The following ELL variants were observed in gnomAD, a reference collection of about 807,000 sequenced individuals.
ELL encodes RNA polymerase II elongation factor ELL.
In ELL, 18 loss-of-function variants were observed where a neutral mutation model predicts 64.0. That is an observed-to-expected ratio of 0.28 (90% confidence interval 0.19 to 0.42). The LOEUF is 0.42. Among genes scored for constraint, ELL ranks in the 10% least tolerant of loss-of-function variants. ELL has a pLI of 1.00. For synonymous variants in ELL, 399 were observed against 376.2 expected (o/e 1.06, Z -0.70); for missense variants, 797 against 870.4 (o/e 0.92, Z 1.06).
At chr19:18,481,219 A>G (rs1035347370) in intron 1 of ELL, among the ~76,000 whole-genome samples, 1 of 152,172 alleles carries the variant, frequency 6.6e-6, no homozygotes, top group Non-Finnish European at 1.5e-5. Flanking sequence ...AAGTCTTATC[A>G]ATGGAATCAC....
At chr19:18,448,396 CAA>C (rs1027218306) in intron 8 of ELL, 106 of 152,354 alleles carry the variant, frequency 7.0e-4, no homozygotes, top group African/African-American at 2.2e-3. Flanking sequence ...TCACTCCCCA[CAA>C]AGTTTCTAAC....
chr19:18,486,721 T>C lies in ELL; in HGVS notation c.136-13839A>G, dbSNP rs1975426086. On this transcript the variant is annotated intron_variant, in intron 1 of 11. Transcript: ENST00000262809. ...AACCTCTGCAAAGCACCCAAACCCCTGTCCCAGAAGATAGGCAAAGATCAC... is the reference window on the plus strand; with the variant it reads ...AACCTCTGCAAAGCACCCAAACCCCCGTCCCAGAAGATAGGCAAAGATCAC... 3.3e-5 allele frequency among the ~76,000 whole-genome samples: 5 copies of C among 152,132 alleles called. No individual in the cohort carries two copies. The South Asian group carries it at 8.3e-4, about 25-fold the overall frequency.
At chr19:18,498,679 G>A (rs1975715214) in intron 1 of ELL, among the ~76,000 whole-genome samples, 1 of 152,222 alleles carries the variant, frequency 6.6e-6, no homozygotes, top group African/African-American at 2.4e-5. Flanking sequence ...ACAGAAAGCT[G>A]GGTGTGGTGG....
intron 1 of ELL, among the ~76,000 whole-genome samples, chr19:18,515,166 C>T (rs1976103112): frequency 6.6e-6 from 1 of 152,236 alleles, no homozygotes; most frequent in Non-Finnish European, 1.5e-5. Flanking sequence ...AGCTCAGTCC[C>T]TCACACACAC....
At position 18,446,478 on chromosome 19, in the gene ELL, T is replaced by C; in HGVS notation, c.1535A>G (p.Lys512Arg). 1 of 1,611,486 alleles carries C rather than the reference T, an allele frequency of 6.2e-7. No individual in the cohort carries two copies. The change falls in exon 10 of 12, where the codon AAG (lysine) becomes AGG (arginine). Residue 512 changes from lysine (K) to arginine (R), a missense_variant and splice_region_variant. Physicochemically the swap from Lys to Arg is conservative, Grantham distance 26. Coordinates refer to ENST00000262809, the MANE Select transcript of ELL (RefSeq NM_006532.4). ...CTCCGAAGAGGAGATGGCTGCGTACTTCCTGAAACAGGAGAGAGGGGCCAC... is the reference window on the plus strand; with the variant it reads ...CTCCGAAGAGGAGATGGCTGCGTACCTCCTGAAACAGGAGAGAGGGGCCAC... Reference protein sequence around the residue: ...STSETPDYLLKYAAISSSEQR... With the variant: ...STSETPDYLLRYAAISSSEQR...
intron 10 of ELL, 105 bp from the exon 11 acceptor site, chr19:18,445,373 G>A: frequency 2.7e-6 from 3 of 1,097,362 alleles, no homozygotes; most frequent in South Asian, 2.5e-5. Flanking sequence ...GGGAGGGTGG[G>A]GCAGCCTCAA....
At chr19:18,521,772 G>A in intron 1 of ELL, 149 bp downstream of exon 1, 3 of 1,236,410 alleles carry the variant, frequency 2.4e-6, no homozygotes, top group Non-Finnish European at 3.2e-6. Flanking sequence ...GGCCGGACTG[G>A]CGCCCACTCC....
intron 8 of ELL, among the ~76,000 whole-genome samples, chr19:18,447,961 T>A (rs1197179840): frequency 6.6e-6 from 1 of 152,058 alleles, no homozygotes; most frequent in Non-Finnish European, 1.5e-5. Context: ...ATTACAAAAT[T>A]TTTTTGTAGA....
At position 18,444,871 on chromosome 19, in the gene ELL, G is replaced by A. The variant is rs754972704; in HGVS notation, c.1750-3C>T. 3.1e-6 allele frequency: 5 copies of A among 1,610,522 alleles called. No homozygotes were observed. The African/African-American group carries it at 4.0e-5, about 13-fold the overall frequency. ...TCCTGGCTGTAGTTGGTGTTGGTCT[G>A]TGGGACAGCACAGTCATGCTCAGGA... On this transcript the variant is annotated splice_region_variant and splice_polypyrimidine_tract_variant and intron_variant, in intron 11 of 11. Transcript: ENST00000262809.
chr19:18,479,134 G>T (rs181825852), intron 1 of ELL, among the ~76,000 whole-genome samples: 1 of 152,164 alleles, frequency 6.6e-6, no homozygotes, highest in Admixed American at 6.5e-5. Flanking sequence ...CCCAGGGCAC[G>T]AGGCAATGTC....
At chr19:18,510,057 C>T (rs374416667) in intron 1 of ELL, among the ~76,000 whole-genome samples, 22 of 152,236 alleles carry the variant, frequency 1.4e-4, no homozygotes, top group African/African-American at 4.1e-4. Flanking sequence ...CCCTTCCTAA[C>T]CCTCACTGCT....
At chr19:18,493,887 G>T (rs1044918428) in intron 1 of ELL, among the ~76,000 whole-genome samples, 1 of 152,190 alleles carries the variant, frequency 6.6e-6, no homozygotes, top group Non-Finnish European at 1.5e-5. Flanking sequence ...GGACAATCCT[G>T]AAGACAATTG....
At chr19:18,483,245 C>T (rs1459107909) in intron 1 of ELL, among the ~76,000 whole-genome samples, 1 of 152,188 alleles carries the variant, frequency 6.6e-6, no homozygotes, top group East Asian at 1.9e-4. Context: ...CTGCATGCAC[C>T]CTGGGTCATG....
rs568745906 is a variant in ELL, at chr19:18,492,908, C to T, written c.136-20026G>A. On this transcript the variant is annotated intron_variant, in intron 1 of 11. Transcript: ENST00000262809. ...AGTCCCACTGGCCAGGCTGCGATGA[C>T]ACCAGGAAAAGCTAGGACAAGTTCA... Among the ~76,000 whole-genome samples the T allele has an allele frequency of 3.3e-5, 5 of 152,220 alleles. 1 individual carries two copies. The East Asian group carries it at 9.7e-4, about 29-fold the overall frequency.
chr19:18,453,564 A>C (rs2144899008), intron 6 of ELL, among the ~76,000 whole-genome samples: 1 of 152,320 alleles, frequency 6.6e-6, no homozygotes, highest in East Asian at 1.9e-4. Flanking sequence ...CCCAGGGATG[A>C]CTGGAATAAA....
chr19:18,480,490 G>T (rs1321161478), intron 1 of ELL, among the ~76,000 whole-genome samples: 8 of 152,202 alleles, frequency 5.3e-5, no homozygotes, highest in African/African-American at 1.9e-4. Flanking sequence ...GCAGAGCAGA[G>T]GGCAGGACCC....
At chr19:18,494,994 T>C (rs1331097634) in intron 1 of ELL, among the ~76,000 whole-genome samples, 9 of 152,196 alleles carry the variant, frequency 5.9e-5, no homozygotes, top group Non-Finnish European at 1.3e-4. Flanking sequence ...CCAGGGCATA[T>C]GGCTGGCGCT....
At chr19:18,463,421 G>A (rs1478530867) in intron 4 of ELL, among the ~76,000 whole-genome samples, 2 of 133,114 alleles carry the variant, frequency 1.5e-5, no homozygotes, top group East Asian at 2.5e-4. Context: ...TGCAACCTCC[G>A]CCTTCCAGGT....
intron 7 of ELL, 83 bp from the exon 8 acceptor site, chr19:18,451,058 C>A: frequency 7.1e-7 from 1 of 1,415,302 alleles, no homozygotes; most frequent in Non-Finnish European, 9.2e-7. Flanking sequence ...GGCTAGAAAA[C>A]CCAACGCCGC....
Sources: allele counts gnomAD v4.1 joint callset (sites outside exome capture counted in the v4.1 genomes callset), GRCh38; gene constraint gnomAD v4.1.1; transcripts MANE v1.5; gene names NCBI Gene and HGNC (gene_info 2026-07-23, HGNC 2026-07-21).